The following PCDH9 variants were observed in gnomAD, a reference collection of about 807,000 sequenced individuals.
The protein encoded by PCDH9 is protocadherin-9.
PCDH9 carries 24 observed loss-of-function variants against 70.6 expected under a neutral mutation model. The observed-to-expected ratio is 0.34, with a 90% CI of 0.25 to 0.48. The LOEUF is 0.48. PCDH9 is among the 20% of genes least tolerant of loss of function. The pLI, the probability that PCDH9 is intolerant of heterozygous loss-of-function variation, is 0.99. For missense variants in PCDH9, 1,281 were observed against 1,503.6 expected (o/e 0.85, Z 2.45); for synonymous variants, 562 against 558.5 (o/e 1.01, Z -0.09).
intron 4 of PCDH9, among the ~76,000 whole-genome samples, chr13:66,445,692 C>G (rs1043633340): frequency 4.2e-5 from 6 of 142,224 alleles, no homozygotes; most frequent in African/African-American, 1.5e-4. Flanking sequence ...ATAATATATA[C>G]ACATATATAT....
intron 2 of PCDH9, among the ~76,000 whole-genome samples, chr13:66,931,007 C>G (rs1171551160): frequency 6.6e-5 from 10 of 152,162 alleles, no homozygotes; most frequent in African/African-American, 2.4e-4. Context: ...TAAGTGGCAG[C>G]ACACACTGAA....
In PCDH9 at chr13:66,303,153, C is replaced by T. The variant is rs560887918; in HGVS notation, c.*1502G>A. 2.6e-5 allele frequency: 4 copies of T among 151,070 alleles called. No individual in the cohort carries two copies. Among genetic ancestry groups the T allele is most frequent in the Admixed American group, 6.6e-5 (1 of 15,082 alleles). The allele number at this position is 151,070 out of a possible 1,614,324, so 9.4% of individuals were successfully genotyped here. ...TTTTACTTTTAAATTGATGGTGAAC[C>T]GTGGCATTAAGATAACTTCCACTTC... is the stretch of plus-strand genomic sequence containing the variant. On this transcript the variant is annotated 3_prime_UTR_variant, in exon 5 of 5. Transcript: ENST00000377865.
At chr13:66,430,107 A>T in intron 4 of PCDH9, among the ~76,000 whole-genome samples, 1 of 152,018 alleles carries the variant, frequency 6.6e-6, no homozygotes, top group African/African-American at 2.4e-5. Flanking sequence ...TTTTTTCCCT[A>T]TTTATAAAAG....
At chr13:67,031,302 C>T (rs913469704) in intron 2 of PCDH9, among the ~76,000 whole-genome samples, 3 of 152,172 alleles carry the variant, frequency 2.0e-5, no homozygotes, top group Non-Finnish European at 4.4e-5. Context: ...ACATTTTCTA[C>T]AATTTACCAT....
rs1960189130 is a variant in PCDH9 at position 66,525,739 on chromosome 13, C to T, written c.3340+105471G>A. The stretch of plus-strand genomic sequence containing the variant: ...TCTTCCCACAGCATACATTCTAGTG[C>T]ACTTCAGCCATTTTATTTGCATCTT... On this transcript the variant is annotated intron_variant, in intron 4 of 4. Coordinates refer to ENST00000377865, the MANE Select transcript of PCDH9 (RefSeq NM_203487.3). Among the ~76,000 whole-genome samples the T allele has an allele frequency of 1.3e-5, 2 of 152,104 alleles. 1 individual carries two copies. The highest frequency in any genetic ancestry group is 4.2e-4 in the South Asian group (2 of 4,818).
intron 2 of PCDH9, among the ~76,000 whole-genome samples, chr13:67,154,617 C>T (rs1248953184): frequency 7.7e-4 from 85 of 110,482 alleles, no homozygotes; most frequent in Middle Eastern, 5.0e-3. Context: ...CACACACACA[C>T]ACACACACAC....
intron 3 of PCDH9, among the ~76,000 whole-genome samples, chr13:66,780,470 A>G (rs1763704174): frequency 1.3e-5 from 2 of 152,174 alleles, no homozygotes; most frequent in Admixed American, 1.3e-4. Flanking sequence ...AAGCAACCAG[A>G]AGCTACCTGT....
At chr13:66,610,485 A>G (rs919625523) in intron 4 of PCDH9, among the ~76,000 whole-genome samples, 1 of 152,200 alleles carries the variant, frequency 6.6e-6, no homozygotes, top group Non-Finnish European at 1.5e-5. Context: ...CTAGCAAGAT[A>G]TAAAATTGAT....
At chr13:67,017,110 G>A (rs534666992) in intron 2 of PCDH9, among the ~76,000 whole-genome samples, 229 of 152,294 alleles carry the variant, frequency 1.5e-3, no homozygotes, top group Non-Finnish European at 2.8e-3. Context: ...GAGCAAATGT[G>A]TATCATACAT....
chr13:66,946,441 G>A (rs981965420), intron 2 of PCDH9, among the ~76,000 whole-genome samples: 3 of 152,028 alleles, frequency 2.0e-5, no homozygotes, highest in African/African-American at 4.8e-5. Context: ...GGGCCAAGGC[G>A]GGAAGCTTGC....
chr13:66,378,017 G>A (rs1956780167), intron 4 of PCDH9, among the ~76,000 whole-genome samples: 1 of 152,174 alleles, frequency 6.6e-6, no homozygotes, highest in African/African-American at 2.4e-5. Flanking sequence ...GTTAATTGGT[G>A]TAATAGATTA....
intron 4 of PCDH9, among the ~76,000 whole-genome samples, chr13:66,622,892 A>G (rs574954235): frequency 1.2e-3 from 179 of 152,300 alleles, no homozygotes; most frequent in Non-Finnish European, 2.1e-3. Flanking sequence ...ATGAGCTGTA[A>G]CACTCACCGC....
At chr13:66,512,812 CT>C (rs1307184613) in intron 4 of PCDH9, among the ~76,000 whole-genome samples, 1 of 151,736 alleles carries the variant, frequency 6.6e-6, no homozygotes, top group East Asian at 1.9e-4. Context: ...TTCTTTCTTT[CT>C]TTTTTTGTTT....
chr13:66,757,346 T>G (rs1377215609), intron 3 of PCDH9, among the ~76,000 whole-genome samples: 1 of 152,202 alleles, frequency 6.6e-6, no homozygotes, highest in African/African-American at 2.4e-5. Context: ...TTGTTTCACT[T>G]TACTCTTATT....
chr13:66,946,092 CTCT>C (rs2083083460), intron 2 of PCDH9, among the ~76,000 whole-genome samples: 1 of 152,016 alleles, frequency 6.6e-6, no homozygotes, highest in Non-Finnish European at 1.5e-5. Flanking sequence ...CTAATGACTT[CTCT>C]TCTTATTTTT....
intron 3 of PCDH9, among the ~76,000 whole-genome samples, chr13:66,879,843 C>T (rs567515786): frequency 6.6e-6 from 1 of 151,742 alleles, no homozygotes; most frequent in Non-Finnish European, 1.5e-5. Context: ...ATTCCTAACA[C>T]AATAAAATTA....
intron 2 of PCDH9, among the ~76,000 whole-genome samples, chr13:66,938,537 A>G (rs934073111): frequency 8.5e-5 from 13 of 152,190 alleles, no homozygotes; most frequent in Admixed American, 8.5e-4. Context: ...ACACAAATCA[A>G]AAAGCAATCT....
intron 4 of PCDH9, among the ~76,000 whole-genome samples, chr13:66,345,814 T>C (rs567692225): frequency 6.6e-6 from 1 of 152,212 alleles, no homozygotes; most frequent in East Asian, 1.9e-4. Flanking sequence ...TGTCATGTCA[T>C]CAGGATAAAG....
At chr13:67,178,135 T>C (rs924830576) in intron 2 of PCDH9, among the ~76,000 whole-genome samples, 1 of 152,100 alleles carries the variant, frequency 6.6e-6, no homozygotes, top group African/African-American at 2.4e-5. Flanking sequence ...TTACTGCAGA[T>C]GATATTATGT....
Sources: gnomAD v4.1 joint callset for allele counts (sites outside exome capture counted in the v4.1 genomes callset) on GRCh38, gnomAD v4.1.1 for gene constraint, MANE v1.5 for transcripts, NCBI Gene and HGNC (gene_info 2026-07-23, HGNC 2026-07-21) for gene names.